CDH13: variants seen among roughly 807,000 people sequenced by gnomAD.
CDH13 encodes cadherin-13.
CDH13 carries 24 observed loss-of-function variants against 63.8 expected under a neutral mutation model. The observed-to-expected ratio is 0.38, with a 90% CI of 0.27 to 0.53. The LOEUF is 0.53. Among genes scored for constraint, CDH13 ranks in the 20% least tolerant of loss-of-function variants. The pLI, the probability that CDH13 is intolerant of heterozygous loss-of-function variation, is 0.85. For synonymous variants in CDH13, 503 were observed against 355.3 expected (o/e 1.42, Z -4.67); for missense variants, 1,049 against 903.1 (o/e 1.16, Z -2.07).
intron 2 of CDH13, among the ~76,000 whole-genome samples, chr16:82,970,650 CG>C (rs1415024656): frequency 8.5e-6 from 1 of 117,330 alleles, no homozygotes; most frequent in African/African-American, 2.7e-5. Flanking sequence ...CCACCCGCCT[CG>C]GCCTCCCAAA....
chr16:83,350,055 G>T (rs1171203189), intron 6 of CDH13, among the ~76,000 whole-genome samples: 2 of 152,174 alleles, frequency 1.3e-5, no homozygotes, highest in Admixed American at 1.3e-4. Context: ...CTGATAATGA[G>T]ACATAGGTTC....
intron 10 of CDH13, among the ~76,000 whole-genome samples, chr16:83,723,324 G>T (rs1026345689): frequency 6.6e-6 from 1 of 152,158 alleles, no homozygotes; most frequent in Non-Finnish European, 1.5e-5. Flanking sequence ...AGCTTGGAAG[G>T]TTAGCACCTC....
intron 1 of CDH13, among the ~76,000 whole-genome samples, chr16:82,696,025 C>T (rs928445458): frequency 6.6e-6 from 1 of 152,178 alleles, no homozygotes; most frequent in Admixed American, 6.5e-5. Flanking sequence ...CAGTTACTTT[C>T]TCTCCCAAGC....
rs1370407798 is a variant in CDH13 at position 82,987,270 on chromosome 16, G to A, written c.158-44740G>A. On this transcript the variant is annotated intron_variant, in intron 2 of 13. Transcript: ENST00000567109. ...CTCGCCCAAAAGGAAGGATTGTGTT[G>A]CATTAATTAGCTGTCTTTCTATCTA... Among the ~76,000 whole-genome samples, 7 of 152,306 alleles carry A rather than the reference G, an allele frequency of 4.6e-5. No individual in the cohort carries two copies. The South Asian group carries it at 1.5e-3, about 32-fold the overall frequency.
chr16:83,523,708 C>T (rs1025895600), intron 7 of CDH13, among the ~76,000 whole-genome samples: 2 of 152,204 alleles, frequency 1.3e-5, no homozygotes, highest in Non-Finnish European at 1.5e-5. Context: ...CCTCAGTGGG[C>T]ATGTCCGGTT....
chr16:83,474,036 C>G (rs1023082517), intron 6 of CDH13, among the ~76,000 whole-genome samples: 5 of 152,190 alleles, frequency 3.3e-5, no homozygotes, highest in Non-Finnish European at 4.4e-5. Context: ...GTGTGTCCCT[C>G]TGAGCCCATA....
chr16:83,575,749 GCA>G (rs1905047119), intron 7 of CDH13, among the ~76,000 whole-genome samples: 1 of 152,134 alleles, frequency 6.6e-6, no homozygotes, highest in Admixed American at 6.5e-5. Flanking sequence ...TGCTTTCATT[GCA>G]CCCGAACCTC....
At chr16:83,321,995 A>G (rs1225958454) in intron 5 of CDH13, among the ~76,000 whole-genome samples, 5 of 152,238 alleles carry the variant, frequency 3.3e-5, no homozygotes, top group Admixed American at 2.6e-4. Context: ...AGAAGGAGCC[A>G]CAGAGGTAGC....
chr16:83,026,791 A>C (rs1427234948), intron 2 of CDH13, among the ~76,000 whole-genome samples: 2 of 152,156 alleles, frequency 1.3e-5, no homozygotes, highest in African/African-American at 2.4e-5. Context: ...TCCAAGCATC[A>C]CTTCATTCAA....
chr16:82,703,774 C>A (rs916168624), intron 1 of CDH13, among the ~76,000 whole-genome samples: 3 of 152,074 alleles, frequency 2.0e-5, no homozygotes, highest in East Asian at 1.9e-4. Flanking sequence ...GCTAATGCCC[C>A]CTCTTTGCCC....
chr16:82,944,385 T>C (rs1904463452), intron 2 of CDH13, among the ~76,000 whole-genome samples: 1 of 152,210 alleles, frequency 6.6e-6, no homozygotes, highest in African/African-American at 2.4e-5. Context: ...CTTTATGGGA[T>C]TGTTGATCTC....
At chr16:83,192,432 C>G (rs1179892855) in intron 4 of CDH13, among the ~76,000 whole-genome samples, 1 of 152,162 alleles carries the variant, frequency 6.6e-6, no homozygotes, top group Non-Finnish European at 1.5e-5. Flanking sequence ...TGATCCAGTG[C>G]TTTTTTGACA....
intron 6 of CDH13, among the ~76,000 whole-genome samples, chr16:83,422,923 A>T (rs972731129): frequency 2.0e-5 from 3 of 152,200 alleles, no homozygotes; most frequent in African/African-American, 7.2e-5. Context: ...GAATTTGGCA[A>T]TTATTTCCTG....
At chr16:83,448,120 T>C (rs1316181531) in intron 6 of CDH13, among the ~76,000 whole-genome samples, 1 of 152,210 alleles carries the variant, frequency 6.6e-6, no homozygotes, top group East Asian at 1.9e-4. Flanking sequence ...GATATAACTT[T>C]TAAATGATAG....
intron 1 of CDH13, among the ~76,000 whole-genome samples, chr16:82,695,843 A>T (rs899648808): frequency 1.3e-5 from 2 of 152,216 alleles, no homozygotes; most frequent in African/African-American, 4.8e-5. Flanking sequence ...TTTTTAACAG[A>T]TTATGTACAA....
intron 6 of CDH13, among the ~76,000 whole-genome samples, chr16:83,450,937 G>A (rs1359890536): frequency 6.6e-6 from 1 of 152,136 alleles, no homozygotes. Flanking sequence ...TTGTGTGTGC[G>A]TCGGCATCCC....
intron 7 of CDH13, among the ~76,000 whole-genome samples, chr16:83,550,426 A>G (rs1430030957): frequency 2.6e-5 from 4 of 152,258 alleles, no homozygotes; most frequent in Admixed American, 1.3e-4. Flanking sequence ...TGGAGCCATC[A>G]GTGACATTTG....
At chr16:82,973,094 G>A (rs943849355) in intron 2 of CDH13, among the ~76,000 whole-genome samples, 2 of 152,288 alleles carry the variant, frequency 1.3e-5, no homozygotes, top group African/African-American at 4.8e-5. Flanking sequence ...CAGCATTTCT[G>A]CCACTCTTCT....
intron 4 of CDH13, among the ~76,000 whole-genome samples, chr16:83,145,762 G>C (rs1005695815): frequency 1.3e-5 from 2 of 152,156 alleles, no homozygotes; most frequent in African/African-American, 4.8e-5. Context: ...GAGGAATAGA[G>C]GGGCTAGCAG....
Sources: gnomAD v4.1 joint callset for allele counts (sites outside exome capture counted in the v4.1 genomes callset) on GRCh38, gnomAD v4.1.1 for gene constraint, MANE v1.5 for transcripts, NCBI Gene and HGNC (gene_info 2026-07-23, HGNC 2026-07-21) for gene names.